ACTR3: variants seen among roughly 807,000 people sequenced by gnomAD.
ACTR3 encodes the protein actin-related protein 3.
Under a neutral mutation model 56.8 loss-of-function variants are expected in ACTR3, and 12 were observed. The observed-to-expected ratio is 0.21, with a 90% CI of 0.14 to 0.34. The LOEUF (loss-of-function observed/expected upper bound fraction) is 0.34. Ranked by LOEUF, ACTR3 falls within the 10% of genes least tolerant of loss-of-function variation. ACTR3 has a pLI of 1.00. For synonymous variants in ACTR3, 162 were observed against 167.4 expected, an observed-to-expected ratio of 0.97 and a Z score of 0.25; for missense variants, 282 against 512.5, an observed-to-expected ratio of 0.55 and a Z score of 4.34.
intron 2 of ACTR3, among the ~76,000 whole-genome samples, chr2:113,915,859 T>A (rs989253485): frequency 2.6e-5 from 4 of 152,194 alleles, no homozygotes; most frequent in Non-Finnish European, 5.9e-5. Context: ...ACCCACCCAG[T>A]TTTAATGCTG....
At chr2:113,891,598 A>G (rs1231463332) in intron 1 of ACTR3, among the ~76,000 whole-genome samples, 1 of 151,632 alleles carries the variant, frequency 6.6e-6, no homozygotes, top group African/African-American at 2.4e-5. Flanking sequence ...GAAGTCAGTA[A>G]GAGGTGGACT....
intron 1 of ACTR3, among the ~76,000 whole-genome samples, chr2:113,896,308 G>C (rs1387847143): frequency 6.6e-6 from 1 of 152,174 alleles, no homozygotes; most frequent in Non-Finnish European, 1.5e-5. Context: ...AAGGAATACA[G>C]TGTGTTATGC....
chr2:113,929,706 T>G (rs1253630579), intron 4 of ACTR3, among the ~76,000 whole-genome samples: 1 of 152,046 alleles, frequency 6.6e-6, no homozygotes, highest in Admixed American at 6.6e-5. Flanking sequence ...TGAGACAGTC[T>G]TGCTCTGTCA....
intron 1 of ACTR3, among the ~76,000 whole-genome samples, chr2:113,911,442 C>T (rs1375468261): frequency 7.5e-5 from 8 of 107,170 alleles, no homozygotes; most frequent in East Asian, 3.3e-4. Flanking sequence ...TTTTTTGAGA[C>T]GAAGTCTTGC....
intron 1 of ACTR3, among the ~76,000 whole-genome samples, chr2:113,908,607 T>G (rs1679247179): frequency 6.6e-6 from 1 of 152,078 alleles, no homozygotes; most frequent in South Asian, 2.1e-4. Flanking sequence ...TTTTTTAGTC[T>G]GAGATTTCTA....
intron 3 of ACTR3, among the ~76,000 whole-genome samples, chr2:113,921,545 G>A (rs142368796): frequency 2.0e-4 from 30 of 151,936 alleles, no homozygotes; most frequent in African/African-American, 5.6e-4. Context: ...ATCTTTTCCC[G>A]TACCAATGTT....
At chr2:113,926,244 A>G (rs188932731) in intron 3 of ACTR3, among the ~76,000 whole-genome samples, 7 of 152,340 alleles carry the variant, frequency 4.6e-5, no homozygotes, top group Non-Finnish European at 8.8e-5. Flanking sequence ...CAACTTCTGT[A>G]AGAAATAATG....
chr2:113,913,725 C>A (rs1279784722), intron 2 of ACTR3, among the ~76,000 whole-genome samples: 1 of 152,164 alleles, frequency 6.6e-6, no homozygotes, highest in African/African-American at 2.4e-5. Flanking sequence ...TTTCTAATAT[C>A]CCATAACCAT....
chr2:113,890,601 A>G (rs1189622941), intron 1 of ACTR3: 17 of 1,320,138 alleles, frequency 1.3e-5, no homozygotes, highest in Admixed American at 3.8e-5. Flanking sequence ...TTCCCCCACT[A>G]CGGTGGGCAG....
At chr2:113,925,063 A>AT (rs1474798694) in intron 3 of ACTR3, among the ~76,000 whole-genome samples, 2 of 150,888 alleles carry the variant, frequency 1.3e-5, no homozygotes, top group Non-Finnish European at 2.9e-5. Flanking sequence ...TGCCTGACTG[A>AT]TTTTTGTATT....
chr2:113,957,679 G>T lies in ACTR3; in HGVS notation c.*224G>T. 1 of 452,294 alleles carries T rather than the reference G, an allele frequency of 2.2e-6. No individual in the cohort carries two copies. The highest frequency in any genetic ancestry group is 3.5e-5 in the Admixed American group (1 of 28,540). The allele number at this position is 452,294 out of a possible 1,614,324, so 28.0% of individuals were successfully genotyped here. A position where few individuals can be genotyped will look rare whatever the true frequency, so the allele number is the denominator to read the frequency against. ...TAGATTGAATATTTGAATCTTATGT[G>T]TAACAAAAAGAAGTGGGTTTTAGTT... On this transcript the variant is annotated 3_prime_UTR_variant, in exon 12 of 12. Transcript: ENST00000263238.
rs1467581240 is a variant in ACTR3, at chr2:113,961,913, C to T, written c.*4458C>T. The T allele has an allele frequency of 2.0e-5, 3 of 151,844 alleles. No individual in the cohort carries two copies. In the East Asian group the frequency reaches 5.8e-4, roughly 29 times the overall value. 9.4% of individuals were successfully genotyped at this position (151,844 alleles called of 1,614,324 possible). The stretch of plus-strand genomic sequence containing the variant: ...AGTACTTTGCTCCTAAAATTTTTAC[C>T]TAAGTGTTACATCCAACAACAGATG... On this transcript the variant is annotated 3_prime_UTR_variant, in exon 12 of 12. Transcript: ENST00000263238.
chr2:113,906,335 T>G (rs569080145), intron 1 of ACTR3, among the ~76,000 whole-genome samples: 3 of 152,278 alleles, frequency 2.0e-5, no homozygotes, highest in Non-Finnish European at 4.4e-5. Flanking sequence ...TCAGTTGGGC[T>G]TTTTTTGATT....
intron 8 of ACTR3, among the ~76,000 whole-genome samples, chr2:113,949,759 C>T (rs1318026465): frequency 5.3e-5 from 8 of 152,186 alleles, no homozygotes; most frequent in East Asian, 3.9e-4. Flanking sequence ...GACAGGGTCT[C>T]GCTATGTTGC....
At chr2:113,937,540 C>T (rs1160119115) in intron 6 of ACTR3, among the ~76,000 whole-genome samples, 6 of 152,202 alleles carry the variant, frequency 3.9e-5, no homozygotes, top group Non-Finnish European at 1.5e-5. Context: ...TGCTGATCTG[C>T]TGGCTTTGAA....
intron 7 of ACTR3, among the ~76,000 whole-genome samples, chr2:113,941,548 T>G (rs1303563149): frequency 1.3e-5 from 2 of 152,136 alleles, no homozygotes; most frequent in African/African-American, 4.8e-5. Flanking sequence ...AAAAGGAAGT[T>G]TTTTTAAAAA....
At chr2:113,897,300 A>T (rs1468356432) in intron 1 of ACTR3, among the ~76,000 whole-genome samples, 1 of 152,154 alleles carries the variant, frequency 6.6e-6, no homozygotes, top group Non-Finnish European at 1.5e-5. Context: ...GGGCCTTTAT[A>T]TCAGGAAACA....
intron 1 of ACTR3, among the ~76,000 whole-genome samples, chr2:113,903,114 C>T (rs116337657): frequency 0.014 from 2,155 of 152,320 alleles, 37 homozygotes; most frequent in African/African-American, 0.048. Flanking sequence ...TAACTGGAAA[C>T]TTGTATACAT....
chr2:113,953,331 T>C (rs1242388192), intron 10 of ACTR3: 1 of 152,126 alleles, frequency 6.6e-6, no homozygotes, highest in Non-Finnish European at 1.5e-5. Flanking sequence ...AGGTTTTGAG[T>C]TTTTCTGGAT....
Sources: gnomAD v4.1 joint callset for allele counts (sites outside exome capture counted in the v4.1 genomes callset) on GRCh38, gnomAD v4.1.1 for gene constraint, MANE v1.5 for transcripts, NCBI Gene and HGNC (gene_info 2026-07-23, HGNC 2026-07-21) for gene names.